Variants in MMP26 observed in about 807,000 individuals in gnomAD.
MMP26 encodes matrix metallopeptidase 26, also known as matrix metalloproteinase-26.
Under a neutral mutation model 31.0 loss-of-function variants are expected in MMP26, and 33 were observed. The ratio of observed to expected loss-of-function variants is 1.06; its 90% CI spans 0.81 to 1.42. MMP26 has a LOEUF of 1.42. Ranked by LOEUF, MMP26 falls within the 40% of genes most tolerant of loss-of-function variation. MMP26 has a pLI of 0.00. For synonymous variants in MMP26, 122 were observed against 114.9 expected (o/e 1.06, Z -0.40); for missense variants, 347 against 316.1 (o/e 1.10, Z -0.74).
chr11:4,967,099 G>T (rs1462167368), intron 2 of MMP26, among the ~76,000 whole-genome samples: 1 of 152,176 alleles, frequency 6.6e-6, no homozygotes, highest in African/African-American at 2.4e-5. Context: ...CAGCTTAAAA[G>T]GTTTGGTGAA....
chr11:4,789,922 A>G (rs553726049), intron 2 of MMP26, among the ~76,000 whole-genome samples: 34 of 152,326 alleles, frequency 2.2e-4, no homozygotes, highest in Non-Finnish European at 4.6e-4. Context: ...TAGCAGATGA[A>G]GGTTTAAAAT....
At chr11:4,861,068 TATATATATCATATATACTTCC>T (rs1469163433) in intron 2 of MMP26, among the ~76,000 whole-genome samples, 5 of 149,802 alleles carry the variant, frequency 3.3e-5, no homozygotes, top group South Asian at 2.1e-4. Flanking sequence ...ATTATATATA[TATATATATCATATATACTTCC>T]ATATATATCA....
intron 1 of MMP26, among the ~76,000 whole-genome samples, chr11:4,730,091 CT>C (rs1336021788): frequency 6.6e-6 from 1 of 152,082 alleles, no homozygotes; most frequent in Non-Finnish European, 1.5e-5. Flanking sequence ...TTCACTTTGA[CT>C]GGTGGTTTAC....
intron 1 of MMP26, among the ~76,000 whole-genome samples, chr11:4,760,200 A>G (rs978635699): frequency 6.6e-6 from 1 of 152,278 alleles, no homozygotes; most frequent in African/African-American, 2.4e-5. Flanking sequence ...TTGTCAAAGC[A>G]GTGACTACCA....
intron 2 of MMP26, among the ~76,000 whole-genome samples, chr11:4,802,040 C>T (rs1300393328): frequency 2.0e-5 from 3 of 152,166 alleles, no homozygotes; most frequent in African/African-American, 7.2e-5. Context: ...ACTACAGGCA[C>T]ATTTGAGTTA....
chr11:4,868,744 G>T (rs1850272111), intron 2 of MMP26, among the ~76,000 whole-genome samples: 1 of 152,080 alleles, frequency 6.6e-6, no homozygotes, highest in South Asian at 2.1e-4. Flanking sequence ...AACCAAAAAA[G>T]AGCCCACATT....
intron 1 of MMP26, among the ~76,000 whole-genome samples, chr11:4,760,029 C>T (rs1345706699): frequency 6.6e-6 from 1 of 152,186 alleles, no homozygotes; most frequent in Non-Finnish European, 1.5e-5. Context: ...AGGCCTTATT[C>T]TTATCTAGCC....
intron 2 of MMP26, among the ~76,000 whole-genome samples, chr11:4,966,019 A>G (rs1489900733): frequency 6.6e-6 from 1 of 152,202 alleles, no homozygotes; most frequent in Non-Finnish European, 1.5e-5. Context: ...TTTTTATAAA[A>G]ATTAAGTGGT....
chr11:4,921,006 A>G (rs1456385114), intron 2 of MMP26, among the ~76,000 whole-genome samples: 1 of 152,222 alleles, frequency 6.6e-6, no homozygotes, highest in African/African-American at 2.4e-5. Flanking sequence ...GTTTAGAGGT[A>G]GCTAATCTTT....
intron 2 of MMP26, among the ~76,000 whole-genome samples, chr11:4,889,280 C>T (rs1589930241): frequency 6.6e-6 from 1 of 152,036 alleles, no homozygotes; most frequent in East Asian, 1.9e-4. Context: ...CTACACACAT[C>T]CTCCCATATA....
intron 2 of MMP26, among the ~76,000 whole-genome samples, chr11:4,845,000 C>G (rs1849847696): frequency 6.6e-6 from 1 of 152,008 alleles, no homozygotes; most frequent in African/African-American, 2.4e-5. Context: ...TTTGGAAAAA[C>G]CTAGAGACTT....
chr11:4,975,598 A>G (rs1846726238), intron 2 of MMP26, among the ~76,000 whole-genome samples: 1 of 152,184 alleles, frequency 6.6e-6, no homozygotes, highest in African/African-American at 2.4e-5. Flanking sequence ...TTGTTAAGGT[A>G]AGTGAATCGT....
intron 1 of MMP26, among the ~76,000 whole-genome samples, chr11:4,714,741 T>C (rs1378295809): frequency 1.3e-5 from 2 of 152,068 alleles, no homozygotes; most frequent in African/African-American, 4.8e-5. Flanking sequence ...GAGAGATAAG[T>C]CAAGGTAGCC....
intron 2 of MMP26, among the ~76,000 whole-genome samples, chr11:4,797,810 A>AG (rs1195650429): frequency 6.6e-5 from 10 of 152,220 alleles, no homozygotes; most frequent in African/African-American, 2.2e-4. Context: ...CATCTCCTTT[A>AG]AAGTTTTTGA....
At chr11:4,773,947 T>A (rs780857962) in intron 2 of MMP26, among the ~76,000 whole-genome samples, 14 of 152,276 alleles carry the variant, frequency 9.2e-5, no homozygotes, top group Admixed American at 2.0e-4. Flanking sequence ...GCCTCATCCA[T>A]GTCCCTGAAA....
At chr11:4,715,135 A>G (rs11827447) in intron 1 of MMP26, among the ~76,000 whole-genome samples, 3,570 of 152,242 alleles carry the variant, frequency 0.023, 153 homozygotes, top group African/African-American at 0.081. Context: ...ATCAACATGT[A>G]TATATTGTAT....
At chr11:4,794,862 T>G (rs1262371951) in intron 2 of MMP26, 1 of 152,262 alleles carries the variant, frequency 6.6e-6, no homozygotes, top group African/African-American at 2.4e-5. Flanking sequence ...TATGTTATTT[T>G]CTGCATCATC....
At chr11:4,764,058 A>T (rs1848599245) in intron 1 of MMP26, among the ~76,000 whole-genome samples, 1 of 152,176 alleles carries the variant, frequency 6.6e-6, no homozygotes, top group Admixed American at 6.5e-5. Context: ...AATGTTTATT[A>T]CTTTTTAATC....
chr11:4,937,227 A>G (rs1470792141), intron 2 of MMP26: 1 of 152,322 alleles, frequency 6.6e-6, no homozygotes, highest in East Asian at 1.9e-4. Flanking sequence ...AAAGTCATTC[A>G]TTCTGTGAAC....
Sources: gnomAD v4.1 joint callset for allele counts (sites outside exome capture counted in the v4.1 genomes callset) on GRCh38, gnomAD v4.1.1 for gene constraint, MANE v1.5 for transcripts, NCBI Gene and HGNC (gene_info 2026-07-23, HGNC 2026-07-21) for gene names.